Variants in FMN1 observed in about 807,000 individuals in gnomAD.
FMN1 encodes formin 1, also known as formin-1.
In FMN1, 110 loss-of-function variants were observed where a neutral mutation model predicts 132.4. The ratio of observed to expected loss-of-function variants is 0.83; its 90% CI spans 0.71 to 0.97. FMN1 has a LOEUF of 0.97. Among genes scored for constraint, FMN1 ranks in the 50% least tolerant of loss-of-function variants. The probability of loss-of-function intolerance (pLI) is 0.00; values close to 1 mark genes in which losing one functional copy is unlikely to be tolerated. For missense variants in FMN1, 1,792 were observed against 1,705.3 expected (o/e 1.05, Z -0.90); for synonymous variants, 722 against 651.7 (o/e 1.11, Z -1.64).
At chr15:33,157,958 C>T (rs1235298401) in intron 3 of FMN1, among the ~76,000 whole-genome samples, 1 of 149,876 alleles carries the variant, frequency 6.7e-6, no homozygotes, top group African/African-American at 2.5e-5. Context: ...CACCACTGTA[C>T]TCCAGCCTAA....
chr15:32,850,490 A>G (rs925189054), intron 17 of FMN1, among the ~76,000 whole-genome samples: 2 of 152,220 alleles, frequency 1.3e-5, no homozygotes, highest in African/African-American at 4.8e-5. Flanking sequence ...ACCTCTTCAG[A>G]TTCTGGGATG....
At chr15:32,886,696 G>A (rs1262363896) in intron 16 of FMN1, among the ~76,000 whole-genome samples, 1 of 152,172 alleles carries the variant, frequency 6.6e-6, no homozygotes, top group African/African-American at 2.4e-5. Flanking sequence ...GGGGCCAAGA[G>A]ACAAGAGGGA....
chr15:32,960,995 C>CAAAA (rs539245532), intron 9 of FMN1, among the ~76,000 whole-genome samples: 13 of 59,082 alleles, frequency 2.2e-4, no homozygotes, highest in African/African-American at 8.0e-4. Flanking sequence ...GACTCCGTCT[C>CAAAA]AAAAAAAAAA....
At chr15:33,119,918 TTG>T (rs1962395226) in intron 4 of FMN1, among the ~76,000 whole-genome samples, 1 of 152,232 alleles carries the variant, frequency 6.6e-6, no homozygotes, top group Non-Finnish European at 1.5e-5. Flanking sequence ...TGTGTTTATA[TTG>T]TGTCTTCTAT....
At chr15:33,086,434 A>T (rs1303163402) in intron 5 of FMN1, among the ~76,000 whole-genome samples, 4 of 152,178 alleles carry the variant, frequency 2.6e-5, no homozygotes, top group African/African-American at 9.6e-5. Flanking sequence ...TTTCACTGTA[A>T]CTATGTATTT....
intron 9 of FMN1, among the ~76,000 whole-genome samples, chr15:32,941,022 G>GC (rs199526425): frequency 7.6e-6 from 1 of 130,860 alleles, no homozygotes; most frequent in African/African-American, 4.0e-5. Context: ...TTCCCCAAAA[G>GC]CCCCGGCCCA....
chr15:33,005,128 A>G (rs557817102), intron 7 of FMN1, among the ~76,000 whole-genome samples: 2 of 152,054 alleles, frequency 1.3e-5, no homozygotes, highest in Non-Finnish European at 2.9e-5. Flanking sequence ...AACATGGCAC[A>G]TGTATACATA....
chr15:32,984,474 T>G (rs1390644913), intron 7 of FMN1, among the ~76,000 whole-genome samples: 1 of 152,096 alleles, frequency 6.6e-6, no homozygotes, highest in Non-Finnish European at 1.5e-5. Flanking sequence ...AAAATGAGGA[T>G]GATAATACCC....
chr15:32,948,192 T>A (rs1171273113), intron 9 of FMN1, among the ~76,000 whole-genome samples: 1 of 152,048 alleles, frequency 6.6e-6, no homozygotes, highest in Non-Finnish European at 1.5e-5. Context: ...AATTATATAG[T>A]TCCCCCTTTA....
At position 32,841,485 on chromosome 15, in the gene FMN1, GT is replaced by G. The variant is rs367565270; in HGVS notation, c.3928+15529del. The stretch of plus-strand genomic sequence containing the variant: ...ACTAATTGAAAAAAATATTTTCAAT[GT>G]TGATTTAGAAATGGCTTTTAACTAT... On this transcript the variant is annotated intron_variant, in intron 17 of 20. Transcript: ENST00000616417. Among the ~76,000 whole-genome samples the G allele has an allele frequency of 6.9e-3, 1,050 of 152,244 alleles. 12 individuals carry two copies. Among genetic ancestry groups the G allele is most frequent in the African/African-American group, 0.025 (1,019 of 41,534 alleles).
intron 4 of FMN1, among the ~76,000 whole-genome samples, chr15:33,128,498 A>C (rs1023267366): frequency 1.3e-5 from 2 of 152,164 alleles, no homozygotes; most frequent in Non-Finnish European, 1.5e-5. Context: ...GCAAGTTCTC[A>C]GAGTCATTAC....
chr15:33,005,404 T>C (rs1053279222), intron 7 of FMN1, among the ~76,000 whole-genome samples: 2 of 152,184 alleles, frequency 1.3e-5, no homozygotes, highest in Non-Finnish European at 2.9e-5. Context: ...TTTGGAACAT[T>C]TTTAATCTTT....
At chr15:33,126,417 G>C (rs1373447950) in intron 4 of FMN1, among the ~76,000 whole-genome samples, 2 of 152,152 alleles carry the variant, frequency 1.3e-5, no homozygotes, top group Admixed American at 6.5e-5. Context: ...AGAGCTTCTG[G>C]AGGGTGAGAG....
chr15:33,120,958 A>C (rs1183381145), intron 4 of FMN1, among the ~76,000 whole-genome samples: 1 of 152,184 alleles, frequency 6.6e-6, no homozygotes, highest in Admixed American at 6.5e-5. Context: ...GATGCAAAGT[A>C]AATTCACCTC....
At chr15:32,926,399 A>C in intron 9 of FMN1, 138 bp from the exon 10 acceptor site, 1 of 552,766 alleles carries the variant, frequency 1.8e-6, no homozygotes, top group Non-Finnish European at 3.2e-6. Flanking sequence ...TCTTTAAATA[A>C]TACTTAATTG....
chr15:33,154,564 C>A lies in FMN1; in HGVS notation c.351G>T (p.Gly117=), dbSNP rs929304997. The change falls in exon 4 of 21, where the codon GGG becomes GGT. Residue 117 remains glycine (G), a synonymous_variant. Transcript: ENST00000616417. ...ILGITMGNQE[G]KLQELSVSLA... ...GGCTCACGGACAGCTCTTGCAGCTTCCCCTCCTGGTTCCCCATCGTGATCC... is the reference window on the plus strand; with the variant it reads ...GGCTCACGGACAGCTCTTGCAGCTTACCCTCCTGGTTCCCCATCGTGATCC... The A allele has an allele frequency of 2.6e-6, 4 of 1,536,006 alleles. No individual in the cohort carries two copies. The highest frequency in any genetic ancestry group is 1.2e-5 in the South Asian group (1 of 84,066).
chr15:33,051,643 G>A (rs1159077011), intron 6 of FMN1, among the ~76,000 whole-genome samples: 2 of 152,188 alleles, frequency 1.3e-5, no homozygotes, highest in African/African-American at 2.4e-5. Context: ...AGGCAAAACA[G>A]CAGAGTTTTT....
intron 6 of FMN1, among the ~76,000 whole-genome samples, chr15:33,056,412 A>C (rs2037217790): frequency 6.6e-6 from 1 of 152,242 alleles, no homozygotes; most frequent in Non-Finnish European, 1.5e-5. Flanking sequence ...TTATAGTCAG[A>C]AAAAGGAAAA....
chr15:33,118,157 G>C (rs1196000065), intron 4 of FMN1, among the ~76,000 whole-genome samples: 1 of 152,192 alleles, frequency 6.6e-6, no homozygotes, highest in East Asian at 1.9e-4. Flanking sequence ...AATGTAGTTT[G>C]CAAACCTAAA....
Sources: gnomAD v4.1 joint callset for allele counts (sites outside exome capture counted in the v4.1 genomes callset) on GRCh38, gnomAD v4.1.1 for gene constraint, MANE v1.5 for transcripts, NCBI Gene and HGNC (gene_info 2026-07-23, HGNC 2026-07-21) for gene names.